The following COMMD10 variants were observed in gnomAD, a reference collection of about 807,000 sequenced individuals.
The protein encoded by COMMD10 is COMM domain containing 10.
A neutral mutation model predicts 28.9 loss-of-function variants in COMMD10; 33 were observed. The ratio of observed to expected loss-of-function variants is 1.14; its 90% CI spans 0.87 to 1.53. COMMD10 has a LOEUF of 1.53. Ranked by LOEUF, COMMD10 falls within the 40% of genes most tolerant of loss-of-function variation. The probability of loss-of-function intolerance (pLI) is 0.00; values close to 1 mark genes in which losing one functional copy is unlikely to be tolerated. For synonymous variants in COMMD10, 110 were observed against 81.7 expected, an observed-to-expected ratio of 1.35 and a Z score of -1.87; for missense variants, 310 against 233.4, an observed-to-expected ratio of 1.33 and a Z score of -2.14.
At chr5:116,280,640 G>A (rs1003965348) in intron 5 of COMMD10, among the ~76,000 whole-genome samples, 4 of 151,836 alleles carry the variant, frequency 2.6e-5, no homozygotes, top group Admixed American at 1.3e-4. Flanking sequence ...TGAATATAGT[G>A]GATGACAAAA....
At chr5:116,126,465 A>G (rs1751643160) in intron 4 of COMMD10, among the ~76,000 whole-genome samples, 1 of 152,120 alleles carries the variant, frequency 6.6e-6, no homozygotes, top group Non-Finnish European at 1.5e-5. Flanking sequence ...CCTCATTGCC[A>G]AGTCAATCCT....
At chr5:116,285,702 A>G (rs1046165753) in intron 5 of COMMD10, among the ~76,000 whole-genome samples, 32 of 151,946 alleles carry the variant, frequency 2.1e-4, no homozygotes, top group Admixed American at 2.0e-3. Context: ...AGAAATAAAT[A>G]CTACTTGTAT....
intron 5 of COMMD10, among the ~76,000 whole-genome samples, chr5:116,160,849 G>C (rs1266872856): frequency 1.3e-5 from 2 of 152,174 alleles, no homozygotes; most frequent in Non-Finnish European, 2.9e-5. Flanking sequence ...GTTACGGGAA[G>C]CAGTGTGATT....
At chr5:116,183,220 GAGTT>G (rs1013370350) in intron 5 of COMMD10, among the ~76,000 whole-genome samples, 77 of 152,186 alleles carry the variant, frequency 5.1e-4, no homozygotes, top group African/African-American at 1.8e-3. Flanking sequence ...ACATTATATT[GAGTT>G]AGTCAAAATA....
At chr5:116,169,625 A>G (rs1753250370) in intron 5 of COMMD10, among the ~76,000 whole-genome samples, 1 of 152,206 alleles carries the variant, frequency 6.6e-6, no homozygotes, top group African/African-American at 2.4e-5. Flanking sequence ...CAGCATATCA[A>G]ATAGCTTATC....
chr5:116,179,791 A>G (rs1747884767), intron 5 of COMMD10, among the ~76,000 whole-genome samples: 1 of 152,138 alleles, frequency 6.6e-6, no homozygotes, highest in Non-Finnish European at 1.5e-5. Flanking sequence ...GTGTGATGGT[A>G]ACCATGAAAG....
At chr5:116,208,935 C>G (rs1222502839) in intron 5 of COMMD10, among the ~76,000 whole-genome samples, 1 of 152,022 alleles carries the variant, frequency 6.6e-6, no homozygotes, top group Non-Finnish European at 1.5e-5. Context: ...TTTGTTAGAC[C>G]AAACATTGGG....
At chr5:116,151,441 T>C (rs1037766923) in intron 5 of COMMD10, among the ~76,000 whole-genome samples, 1 of 151,556 alleles carries the variant, frequency 6.6e-6, no homozygotes, top group Non-Finnish European at 1.5e-5. Flanking sequence ...GTGGTACCAG[T>C]TCCTCCTCGT....
At chr5:116,177,476 C>G (rs1209088595) in intron 5 of COMMD10, among the ~76,000 whole-genome samples, 4 of 151,918 alleles carry the variant, frequency 2.6e-5, no homozygotes, top group African/African-American at 9.7e-5. Flanking sequence ...TGTCATTTTT[C>G]TAAAACAAAG....
At chr5:116,277,408 A>G (rs1438253516) in intron 5 of COMMD10, among the ~76,000 whole-genome samples, 2 of 151,916 alleles carry the variant, frequency 1.3e-5, no homozygotes, top group Non-Finnish European at 2.9e-5. Context: ...TTTATCAGTC[A>G]TATTTAGTTG....
intron 5 of COMMD10, among the ~76,000 whole-genome samples, chr5:116,173,760 A>G (rs1231863238): frequency 1.3e-5 from 2 of 152,116 alleles, no homozygotes; most frequent in Admixed American, 6.6e-5. Context: ...TACTAACTGC[A>G]GAAGCCAAAG....
At chr5:116,114,795 C>T (rs185530177) in intron 4 of COMMD10, among the ~76,000 whole-genome samples, 144 of 152,280 alleles carry the variant, frequency 9.5e-4, no homozygotes, top group African/African-American at 2.6e-3. Flanking sequence ...CTCCCTTATC[C>T]CGACTCTTGC....
chr5:116,204,284 A>AATAATGGAAGACTTT, intron 5 of COMMD10, among the ~76,000 whole-genome samples: 1 of 152,306 alleles, frequency 6.6e-6, no homozygotes, highest in East Asian at 1.9e-4. Context: ...CCCACACAAT[A>AATAATGGAAGACTTT]ATAATGGAAG....
chr5:116,118,753 GAA>G (rs57341569), intron 4 of COMMD10, among the ~76,000 whole-genome samples: 1 of 149,254 alleles, frequency 6.7e-6, no homozygotes, highest in Non-Finnish European at 1.5e-5. Context: ...AATTCTCCAG[GAA>G]AAAAAAAAAG....
chr5:116,099,200 G>A (rs62384695), intron 4 of COMMD10, among the ~76,000 whole-genome samples: 11,422 of 152,184 alleles, frequency 0.075, 504 homozygotes, highest in Admixed American at 0.13. Flanking sequence ...TAGAGTATGC[G>A]TATAAATTAG....
intron 5 of COMMD10, among the ~76,000 whole-genome samples, chr5:116,162,511 A>G (rs1752949685): frequency 6.6e-6 from 1 of 152,212 alleles, no homozygotes; most frequent in Admixed American, 6.5e-5. Context: ...TGACTGTTTA[A>G]TAAGACTGCT....
intron 4 of COMMD10, among the ~76,000 whole-genome samples, chr5:116,100,996 T>C (rs1750641923): frequency 6.6e-6 from 1 of 152,256 alleles, no homozygotes; most frequent in Admixed American, 6.5e-5. Context: ...ATGCAGTATT[T>C]GTCTTTCTGT....
At chr5:116,209,382 C>A (rs7707191) in intron 5 of COMMD10, among the ~76,000 whole-genome samples, 48,868 of 151,990 alleles carry the variant, frequency 0.32, 11,103 homozygotes, top group African/African-American at 0.65. Context: ...TTTGGCGCAC[C>A]AAATCTGTAG....
chr5:116,160,051 T>C (rs753341687), intron 5 of COMMD10, among the ~76,000 whole-genome samples: 2 of 152,190 alleles, frequency 1.3e-5, no homozygotes, highest in South Asian at 2.1e-4. Context: ...GAGACACTTA[T>C]AAATGGTAGT....
Sources: allele counts gnomAD v4.1 joint callset (sites outside exome capture counted in the v4.1 genomes callset), GRCh38; gene constraint gnomAD v4.1.1; transcripts MANE v1.5; gene names NCBI Gene and HGNC (gene_info 2026-07-23, HGNC 2026-07-21).